LY9: variants seen among roughly 807,000 people sequenced by gnomAD.
The protein encoded by LY9 is lymphocyte antigen 9.
Under a neutral mutation model 64.6 loss-of-function variants are expected in LY9, and 59 were observed. That is an observed-to-expected ratio of 0.91 (90% CI 0.74 to 1.13). The LOEUF is 1.13. Among genes scored for constraint, LY9 ranks in the 50% most tolerant of loss-of-function variants. The pLI, the probability that LY9 is intolerant of heterozygous loss-of-function variation, is 0.00. For synonymous variants in LY9, 281 were observed against 308.5 expected (o/e 0.91, Z 0.93); for missense variants, 789 against 797.2 (o/e 0.99, Z 0.12).
intron 4 of LY9, chr1:160,815,234 A>G: frequency 1.9e-5 from 3 of 157,168 alleles, no homozygotes; most frequent in Non-Finnish European, 4.2e-5. Flanking sequence ...AAGCTACTCT[A>G]GAGGCTGAGG....
At chr1:160,805,918 T>C (rs36044919) in intron 2 of LY9, among the ~76,000 whole-genome samples, 7 of 133,454 alleles carry the variant, frequency 5.2e-5, no homozygotes, top group Non-Finnish European at 1.1e-4. Flanking sequence ...GCATTCTTTG[T>C]CTTTTTTTTT....
Position 160,823,479 on chromosome 1 carries a change from C to T in LY9, c.1513C>T (p.His505Tyr), listed in dbSNP as rs1170387561. The T allele has an allele frequency of 1.2e-6, 2 of 1,607,984 alleles. No homozygotes were observed. The highest frequency in any genetic ancestry group is 1.7e-6 in the Non-Finnish European group (2 of 1,175,014). Reference sequence around the variant, plus strand: ...ATGTGTTCCAGAACCCACAGCTGGCCACACGCTATACTCTGTGCTCTCCCA... The same window carrying T: ...ATGTGTTCCAGAACCCACAGCTGGCTACACGCTATACTCTGTGCTCTCCCA... The part of the protein sequence containing the change: ...PADTPEPTAG[H>Y]TLYSVLSQGY... Residue 505 changes from histidine to tyrosine, a missense_variant, in exon 8 of 10, where the codon CAC becomes TAC. Physicochemically the swap from His to Tyr is moderately conservative, Grantham distance 83. Coordinates refer to ENST00000263285, the MANE Select transcript of LY9 (RefSeq NM_002348.4).
At position 160,827,848 on chromosome 1, in the gene LY9, A is replaced by T; in HGVS notation, c.*32A>T. The T allele has an allele frequency of 6.3e-7, 1 of 1,588,112 alleles. No individual in the cohort carries two copies. The highest frequency in any genetic ancestry group is 8.6e-7 in the Non-Finnish European group (1 of 1,162,866). On this transcript the variant is annotated 3_prime_UTR_variant, in exon 10 of 10. Transcript: ENST00000263285. Reference sequence around the variant, plus strand: ...AAGCAGCTGCTGCCTCTCTCCTGGGACCGTGGGGTTGGAAAGTCAGCTGGA... The same window carrying T: ...AAGCAGCTGCTGCCTCTCTCCTGGGTCCGTGGGGTTGGAAAGTCAGCTGGA...
intron 7 of LY9, among the ~76,000 whole-genome samples, chr1:160,822,430 A>G (rs1286009576): frequency 6.6e-6 from 1 of 152,160 alleles, no homozygotes; most frequent in Non-Finnish European, 1.5e-5. Flanking sequence ...TATTGGCACC[A>G]TCTTATCTGC....
intron 2 of LY9, among the ~76,000 whole-genome samples, chr1:160,805,793 A>ACT (rs147879300): frequency 0.15 from 20,769 of 141,260 alleles, 1,739 homozygotes; most frequent in Middle Eastern, 0.2. Flanking sequence ...TCTTACTCTC[A>ACT]CTCTCTCTCT....
At chr1:160,812,113 G>A (rs1299218818) in intron 2 of LY9, 40 of 152,180 alleles carry the variant, frequency 2.6e-4, no homozygotes, top group Admixed American at 2.6e-3. Context: ...CAATTCTGGA[G>A]GCCAATGAAG....
chr1:160,818,741 A>C (rs1022270880), intron 6 of LY9, among the ~76,000 whole-genome samples: 4 of 152,026 alleles, frequency 2.6e-5, no homozygotes, highest in African/African-American at 9.7e-5. Context: ...CGAGGGGAGG[A>C]GTGTACCACA....
At chr1:160,814,852 T>C (rs1178197843) in intron 4 of LY9, 91 bp downstream of exon 4, 1 of 1,037,344 alleles carries the variant, frequency 9.6e-7, no homozygotes, top group African/African-American at 1.6e-5. Context: ...TCTCCAAGGG[T>C]CTTCCCTCAT....
chr1:160,824,058 G>A (rs1668693244), intron 8 of LY9, 123 bp from the exon 9 acceptor site: 7 of 1,225,328 alleles, frequency 5.7e-6, no homozygotes. Flanking sequence ...CTGCACTAAG[G>A]CAGCTCCCAC....
Position 160,807,062 on chromosome 1 carries a change from A to G in LY9, c.455-6574A>G, listed in dbSNP as rs188379969. Among the ~76,000 whole-genome samples the G allele has an allele frequency of 2.6e-3, 403 of 152,310 alleles. 8 individuals are homozygous for G. In the South Asian group the frequency reaches 0.039, roughly 15 times the overall value. ...TGTATTTCCTTCAGTGAAATCTTCAATTCCAGAATTCTATTCATTCTGTTT... is the reference window on the plus strand; with the variant it reads ...TGTATTTCCTTCAGTGAAATCTTCAGTTCCAGAATTCTATTCATTCTGTTT... On this transcript the variant is annotated intron_variant, in intron 2 of 9. Coordinates refer to ENST00000263285, the MANE Select transcript of LY9 (RefSeq NM_002348.4).
At chr1:160,809,295 C>A (rs1371498592) in intron 2 of LY9, among the ~76,000 whole-genome samples, 2 of 151,498 alleles carry the variant, frequency 1.3e-5, no homozygotes, top group Admixed American at 1.3e-4. Context: ...GCTGGGACTA[C>A]AGGTACTTGC....
chr1:160,796,404 T>C, intron 1 of LY9, 93 bp downstream of exon 1: 2 of 1,472,086 alleles, frequency 1.4e-6, no homozygotes, highest in Admixed American at 4.5e-5. Flanking sequence ...TTTTGTTTTT[T>C]GTTTTTTTTA....
At chr1:160,811,620 A>C (rs1667481554) in intron 2 of LY9, 1 of 152,246 alleles carries the variant, frequency 6.6e-6, no homozygotes, top group African/African-American at 2.4e-5. Flanking sequence ...TCTGCTTTCC[A>C]CAAAACACTA....
intron 2 of LY9, among the ~76,000 whole-genome samples, chr1:160,804,271 C>T (rs778824895): frequency 6.6e-6 from 1 of 152,048 alleles, no homozygotes; most frequent in Non-Finnish European, 1.5e-5. Context: ...TCCTTCTATG[C>T]CTAGTTTGTT....
At chr1:160,821,159 A>AAAAAAC (rs1553192072) in intron 7 of LY9, among the ~76,000 whole-genome samples, 1 of 150,388 alleles carries the variant, frequency 6.6e-6, no homozygotes, top group Admixed American at 6.7e-5. Context: ...GCTAAAAAAA[A>AAAAAAC]AAAAAAAAAA....
At chr1:160,804,606 T>C (rs1402902979) in intron 2 of LY9, among the ~76,000 whole-genome samples, 1 of 152,218 alleles carries the variant, frequency 6.6e-6, no homozygotes, top group East Asian at 1.9e-4. Flanking sequence ...CCTCATCGAA[T>C]GAGTTAAGGA....
intron 4 of LY9, chr1:160,815,000 C>A (rs1667832722): frequency 5.4e-6 from 3 of 552,330 alleles, no homozygotes; most frequent in Non-Finnish European, 3.2e-6. Flanking sequence ...AGGCCTCCAC[C>A]ACCCAACTTT....
intron 2 of LY9, chr1:160,801,742 T>C (rs894456443): frequency 2.1e-6 from 3 of 1,414,284 alleles, no homozygotes; most frequent in African/African-American, 2.8e-5. Flanking sequence ...TGATGAGAAA[T>C]AGGGGTTCAA....
intron 2 of LY9, among the ~76,000 whole-genome samples, chr1:160,807,522 G>A (rs777587796): frequency 6.6e-6 from 1 of 152,182 alleles, no homozygotes; most frequent in Non-Finnish European, 1.5e-5. Context: ...TCAGCAGGTC[G>A]ATTTTTAGGT....
Sources: allele counts gnomAD v4.1 joint callset (sites outside exome capture counted in the v4.1 genomes callset), GRCh38; gene constraint gnomAD v4.1.1; transcripts MANE v1.5; gene names NCBI Gene and HGNC (gene_info 2026-07-23, HGNC 2026-07-21).